The following LOC128125817 variants were observed in gnomAD, a reference collection of about 807,000 sequenced individuals.
chr1:41,592,186 G>A, the LOC128125817 span, among the ~76,000 whole-genome samples: 1,178 of 152,274 alleles, frequency 7.7e-3, 13 homozygotes, highest in African/African-American at 0.028. Context: ...CTTCCAGCAA[G>A]GGCAGATCAG....
the LOC128125817 span, among the ~76,000 whole-genome samples, chr1:41,594,386 A>G: frequency 1.3e-5 from 2 of 151,776 alleles, no homozygotes; most frequent in Admixed American, 1.3e-4. Context: ...CCACACCCAG[A>G]TAATTTTCGT....
the LOC128125817 span, among the ~76,000 whole-genome samples, chr1:41,602,039 T>C: frequency 2.0e-5 from 3 of 151,586 alleles, no homozygotes; most frequent in African/African-American, 4.9e-5. Context: ...ATGTGATGTA[T>C]AACATTAATT....
the LOC128125817 span, among the ~76,000 whole-genome samples, chr1:41,618,140 C>T: frequency 6.6e-6 from 1 of 152,200 alleles, no homozygotes; most frequent in African/African-American, 2.4e-5. Context: ...GCCATGGACA[C>T]AATGCTCAAT....
At chr1:41,595,788 C>G in the LOC128125817 span, among the ~76,000 whole-genome samples, 1 of 152,152 alleles carries the variant, frequency 6.6e-6, no homozygotes, top group Admixed American at 6.5e-5. Flanking sequence ...GGCTTAGCCT[C>G]CTGGCCTACA....
chr1:41,588,111 G>A, the LOC128125817 span, among the ~76,000 whole-genome samples: 19 of 152,198 alleles, frequency 1.2e-4, no homozygotes, highest in Non-Finnish European at 2.2e-4. Flanking sequence ...GAAGTGCTGA[G>A]CCTTCTAAAA....
the LOC128125817 span, among the ~76,000 whole-genome samples, chr1:41,604,782 T>C: frequency 1.3e-5 from 2 of 152,118 alleles, no homozygotes; most frequent in African/African-American, 2.4e-5. Flanking sequence ...AGTTAAAGGA[T>C]AGGCGAAAAA....
the LOC128125817 span, among the ~76,000 whole-genome samples, chr1:41,610,130 A>G: frequency 6.6e-6 from 1 of 152,104 alleles, no homozygotes; most frequent in African/African-American, 2.4e-5. Flanking sequence ...AGCCTCCACA[A>G]CTGCATGAGC....
chr1:41,618,165 G>A, the LOC128125817 span, among the ~76,000 whole-genome samples: 2 of 152,246 alleles, frequency 1.3e-5, no homozygotes, highest in East Asian at 3.9e-4. Flanking sequence ...GCCATTATCT[G>A]GGAAGGGAGG....
At chr1:41,600,333 T>G in the LOC128125817 span, among the ~76,000 whole-genome samples, 3 of 152,222 alleles carry the variant, frequency 2.0e-5, no homozygotes, top group African/African-American at 7.2e-5. Context: ...CATTGATGAA[T>G]GAATGGATAA....
chr1:41,621,922 C>T, the LOC128125817 span, among the ~76,000 whole-genome samples: 7 of 152,244 alleles, frequency 4.6e-5, no homozygotes, highest in Admixed American at 2.6e-4. Flanking sequence ...CAAATGCCTT[C>T]ACCTTCCTCT....
chr1:41,613,952 C>G, the LOC128125817 span, among the ~76,000 whole-genome samples: 1 of 152,210 alleles, frequency 6.6e-6, no homozygotes, highest in Non-Finnish European at 1.5e-5. Context: ...CTTAGCATAA[C>G]GTTTTTCATC....
the LOC128125817 span, among the ~76,000 whole-genome samples, chr1:41,592,285 A>G: frequency 2.6e-5 from 4 of 152,176 alleles, no homozygotes; most frequent in East Asian, 7.7e-4. Context: ...GACCCTAGGT[A>G]AGGCACTTTC....
the LOC128125817 span, among the ~76,000 whole-genome samples, chr1:41,603,024 A>G: frequency 1.3e-5 from 2 of 150,840 alleles, no homozygotes; most frequent in African/African-American, 2.4e-5. Flanking sequence ...TGAATTTTCA[A>G]TTTCCTTCTG....
chr1:41,627,158 G>A, the LOC128125817 span, among the ~76,000 whole-genome samples: 1 of 152,238 alleles, frequency 6.6e-6, no homozygotes, highest in African/African-American at 2.4e-5. Context: ...GAGCAGGGTG[G>A]TGGCCCAACT....
chr1:41,597,259 A>G, the LOC128125817 span, among the ~76,000 whole-genome samples: 125 of 152,318 alleles, frequency 8.2e-4, 1 homozygote, highest in African/African-American at 2.5e-3. Flanking sequence ...ACCAAGGAGA[A>G]TGAAGTCTCC....
At chr1:41,605,312 GGTGTACAA>G in the LOC128125817 span, among the ~76,000 whole-genome samples, 1 of 149,976 alleles carries the variant, frequency 6.7e-6, no homozygotes, top group Non-Finnish European at 1.5e-5. Context: ...CAGTTTTCTG[GGTGTACAA>G]TTGTTCCACA....
the LOC128125817 span, among the ~76,000 whole-genome samples, chr1:41,617,308 T>G: frequency 6.6e-6 from 1 of 152,220 alleles, no homozygotes; most frequent in Non-Finnish European, 1.5e-5. Flanking sequence ...TGTGTGTGTT[T>G]TTGGTTAAAA....
the LOC128125817 span, among the ~76,000 whole-genome samples, chr1:41,596,815 T>C: frequency 6.6e-6 from 1 of 152,186 alleles, no homozygotes; most frequent in South Asian, 2.1e-4. Context: ...TTGGTCAGAA[T>C]GACCGAGTGG....
the LOC128125817 span, among the ~76,000 whole-genome samples, chr1:41,616,612 T>C: frequency 1.5e-5 from 2 of 133,500 alleles, no homozygotes; most frequent in Non-Finnish European, 3.2e-5. Flanking sequence ...GTGGGGAAGA[T>C]GGGGAGCCTT....
Sources: allele counts gnomAD v4.1 joint callset (sites outside exome capture counted in the v4.1 genomes callset), GRCh38; gene constraint gnomAD v4.1.1; transcripts MANE v1.5.